Variants in METTL13 observed in about 807,000 individuals in gnomAD.
METTL13 encodes the protein eEF1A lysine and N-terminal methyltransferase.
A neutral mutation model predicts 67.4 loss-of-function variants in METTL13; 52 were observed. The observed-to-expected ratio is 0.77, with a 90% CI of 0.62 to 0.97. The LOEUF (loss-of-function observed/expected upper bound fraction) is 0.97. METTL13 is among the 50% of genes least tolerant of loss of function. METTL13 has a pLI of 0.00. For missense variants in METTL13, 825 were observed against 889.6 expected, an observed-to-expected ratio of 0.93 and a Z score of 0.92; for synonymous variants, 354 against 353.6, an observed-to-expected ratio of 1.00 and a Z score of -0.01.
intron 6 of METTL13, 42 bp downstream of exon 6, chr1:171,792,277 T>A (rs970879392): frequency 1.2e-6 from 2 of 1,607,688 alleles, no homozygotes; most frequent in South Asian, 1.1e-5. Context: ...GAGGGATGAT[T>A]GATGCGACAT....
Position 171,794,409 on chromosome 1 carries a change from C to T in METTL13, c.1707C>T (p.Tyr569=), listed in dbSNP as rs2232825. The T allele has an allele frequency of 0.19, 302,563 of 1,613,952 alleles. 30,214 individuals are homozygous for T. Among genetic ancestry groups the T allele is most frequent in the Non-Finnish European group, 0.21 (245,631 of 1,179,894 alleles). ...LAGGGEARPC[Y]DVIMFDVDSK... is the part of the protein sequence containing the mutation. ...TCTTTTTCCCAGCACGGCCTTGCTA[C>T]GATGTCATAATGTTTGATGTTGACA... The change falls in exon 7 of 8, where the codon TAC becomes TAT. Residue 569 remains tyrosine (Y), a synonymous_variant. Coordinates refer to ENST00000361735, the MANE Select transcript of METTL13 (RefSeq NM_015935.5).
rs1657224475 is a variant in METTL13 at position 171,792,037 on chromosome 1, G to C, written c.1495G>C (p.Val499Leu). 6.2e-7 allele frequency: 1 copy of C among 1,612,594 alleles called. No homozygotes were observed. Among genetic ancestry groups the C allele is most frequent in the Non-Finnish European group, 8.5e-7 (1 of 1,180,030 alleles). ...LLLEIPLALL[V>L]VGLGGGSLPL... ...TACAGAGATCCCACTGGCATTGTTGGTGGTAGGCCTGGGCGGGGGCAGCCT... is the reference window on the plus strand; with the variant it reads ...TACAGAGATCCCACTGGCATTGTTGCTGGTAGGCCTGGGCGGGGGCAGCCT... The change falls in exon 6 of 8, where the codon GTG (valine) becomes CTG (leucine). Residue 499 changes from valine to leucine, a missense_variant. By Grantham distance (32) the Val-to-Leu change is conservative (BLOSUM62 1). Coordinates refer to ENST00000361735, the MANE Select transcript of METTL13 (RefSeq NM_015935.5).
Position 171,781,757 on chromosome 1 carries a change from C to G in METTL13, c.-211C>G. ...CAGCAGGCGCGGAGGAGGGGGCAAG[C>G]GTGTGTGAGATTCAGTGGTCCATGC... On this transcript the variant is annotated 5_prime_UTR_variant, in exon 1 of 8. Coordinates refer to ENST00000361735, the MANE Select transcript of METTL13 (RefSeq NM_015935.5). 2 of 1,377,768 alleles carry G rather than the reference C, an allele frequency of 1.5e-6. No individual in the cohort carries two copies. The highest frequency in any genetic ancestry group is 1.6e-5 in the South Asian group (1 of 62,522). The allele number at this position is 1,377,768 out of a possible 1,614,324, so 85.3% of individuals were successfully genotyped here.
In METTL13 at chr1:171,796,875, C is replaced by G. The variant is rs2029863042; in HGVS notation, c.*119C>G. 6 of 1,327,676 alleles carry G rather than the reference C, an allele frequency of 4.5e-6. No individual in the cohort carries two copies. In the South Asian group the frequency reaches 8.6e-5, roughly 19 times the overall value. The allele number at this position is 1,327,676 out of a possible 1,614,324, so 82.2% of individuals were successfully genotyped here. A position where few individuals can be genotyped will look rare whatever the true frequency, so the allele number is the denominator to read the frequency against. ...TTCGTATTTTTCTTGGTTTCACACT[C>G]AGCTACATGTGACCTCCAGCTTGGT... On this transcript the variant is annotated 3_prime_UTR_variant, in exon 8 of 8. Coordinates refer to ENST00000361735, the MANE Select transcript of METTL13 (RefSeq NM_015935.5).
At chr1:171,782,933 C>G (rs1656874989) in intron 1 of METTL13, among the ~76,000 whole-genome samples, 1 of 152,098 alleles carries the variant, frequency 6.6e-6, no homozygotes, top group South Asian at 2.1e-4. Context: ...TGTGGGGAAG[C>G]TTTATGTGCC....
intron 7 of METTL13, 33 bp downstream of exon 7, chr1:171,794,560 A>G: frequency 6.2e-7 from 1 of 1,610,474 alleles, no homozygotes; most frequent in Non-Finnish European, 8.5e-7. Flanking sequence ...GAGGGAGGAG[A>G]GAAGGGACCA....
In METTL13 at chr1:171,784,264, T is replaced by C. The variant is rs1304003065; in HGVS notation, c.678T>C (p.Cys226=). 1.2e-6 allele frequency: 2 copies of C among 1,613,980 alleles called. No homozygotes were observed. The highest frequency in any genetic ancestry group is 2.2e-5 in the East Asian group (1 of 44,882). Residue 226 remains cysteine, a synonymous_variant, in exon 2 of 8, where the codon TGT becomes TGC. Transcript: ENST00000361735. The stretch of plus-strand genomic sequence containing the variant: ...CTGCCCTTCAGATCTTTGAGCTGTG[T>C]GCTCAGGAGCAGCGCAAGCCTGTGC... ...PGSALQIFEL[C]AQEQRKPVRL... is the part of the protein sequence containing the mutation.
At chr1:171,789,230 A>G (rs3766652) in intron 4 of METTL13, among the ~76,000 whole-genome samples, 3,514 of 152,238 alleles carry the variant, frequency 0.023, 79 homozygotes, top group South Asian at 0.063. Flanking sequence ...GTGATTTAAT[A>G]TATCTGAAAA....
At chr1:171,791,320 A>C (rs181962785) in intron 5 of METTL13, among the ~76,000 whole-genome samples, 1 of 152,108 alleles carries the variant, frequency 6.6e-6, no homozygotes, top group Non-Finnish European at 1.5e-5. Context: ...TGGAACTTGA[A>C]TGGCTTACCC....
intron 3 of METTL13, among the ~76,000 whole-genome samples, chr1:171,786,394 C>T (rs1424760410): frequency 2.0e-5 from 3 of 152,172 alleles, no homozygotes; most frequent in Non-Finnish European, 4.4e-5. Context: ...ATTTCTCCTT[C>T]CACACTGGAC....
chr1:171,787,722 G>A lies in METTL13; in HGVS notation c.1114-13G>A. ...AGCTGCTGTTTTGACCACATCTCTG[G>A]TTGTACCTTCAGGTCCCCTTTCTGT... On this transcript the variant is annotated splice_polypyrimidine_tract_variant and intron_variant, in intron 3 of 7. Coordinates refer to ENST00000361735, the MANE Select transcript of METTL13 (RefSeq NM_015935.5). 18 of 1,607,742 alleles carry A rather than the reference G, an allele frequency of 1.1e-5. No individual in the cohort carries two copies. The highest frequency in any genetic ancestry group is 1.3e-5 in the Non-Finnish European group (15 of 1,174,892).
At chr1:171,786,863 G>A (rs1237909683) in intron 3 of METTL13, among the ~76,000 whole-genome samples, 1 of 151,938 alleles carries the variant, frequency 6.6e-6, no homozygotes, top group Non-Finnish European at 1.5e-5. Context: ...TGTAGAGACA[G>A]GGTCTCCCTA....
At chr1:171,793,526 C>G (rs1571171478) in intron 6 of METTL13, among the ~76,000 whole-genome samples, 1 of 152,136 alleles carries the variant, frequency 6.6e-6, no homozygotes. Context: ...TGTAAGAAAC[C>G]AAAATCAGAT....
At position 171,782,093 on chromosome 1, in the gene METTL13, A is replaced by G. The variant is rs780784964; in HGVS notation, c.126A>G (p.Leu42=). Residue 42 remains leucine, a synonymous_variant, in exon 1 of 8, where the codon CTA becomes CTG. Transcript: ENST00000361735. ...YGTYLELCGV[L]HKYIKPREKV... Reference sequence around the variant, plus strand: ...CCTACCTGGAACTGTGCGGGGTGCTACATAAATATATCAAGCCCAGGGAAA... The same window carrying G: ...CCTACCTGGAACTGTGCGGGGTGCTGCATAAATATATCAAGCCCAGGGAAA... 2.5e-6 allele frequency: 4 copies of G among 1,613,946 alleles called. No homozygotes were observed. The African/African-American group carries it at 4.0e-5, about 16-fold the overall frequency.
At chr1:171,786,566 T>C (rs1657022146) in intron 3 of METTL13, among the ~76,000 whole-genome samples, 1 of 152,232 alleles carries the variant, frequency 6.6e-6, no homozygotes, top group Non-Finnish European at 1.5e-5. Flanking sequence ...TATGGTATTA[T>C]CAGTTAACAC....
In METTL13 at chr1:171,781,750, G is replaced by T. The variant is rs1186752167; in HGVS notation, c.-218G>T. On this transcript the variant is annotated 5_prime_UTR_variant, in exon 1 of 8. Transcript: ENST00000361735. ...GAAGGAACAGCAGGCGCGGAGGAGGGGGCAAGCGTGTGTGAGATTCAGTGG... is the reference window on the plus strand; with the variant it reads ...GAAGGAACAGCAGGCGCGGAGGAGGTGGCAAGCGTGTGTGAGATTCAGTGG... The T allele has an allele frequency of 2.9e-6, 4 of 1,367,264 alleles. No individual in the cohort carries two copies. Among genetic ancestry groups the T allele is most frequent in the Non-Finnish European group, 2.8e-6 (3 of 1,056,886 alleles). The allele number at this position is 1,367,264 out of a possible 1,614,324, so 84.7% of individuals were successfully genotyped here.
chr1:171,784,282 G>A lies in METTL13; in HGVS notation c.696G>A (p.Lys232=). 6.2e-7 allele frequency: 1 copy of A among 1,613,208 alleles called. No individual in the cohort carries two copies. The highest frequency in any genetic ancestry group is 8.5e-7 in the Non-Finnish European group (1 of 1,179,468). ...AGCTGTGTGCTCAGGAGCAGCGCAAGCCTGTGCGGCTGGAGAGTGCCGAGC... is the reference window on the plus strand; with the variant it reads ...AGCTGTGTGCTCAGGAGCAGCGCAAACCTGTGCGGCTGGAGAGTGCCGAGC... ...IFELCAQEQR[K]PVRLESAERL... Residue 232 remains lysine, a synonymous_variant, in exon 2 of 8, where the codon AAG becomes AAA. Coordinates refer to ENST00000361735, the MANE Select transcript of METTL13 (RefSeq NM_015935.5).
In METTL13 at chr1:171,796,622, C is replaced by T. The variant is rs1372227478; in HGVS notation, c.1966C>T (p.Pro656Ser). The T allele has an allele frequency of 1.2e-6, 2 of 1,614,162 alleles. No individual in the cohort carries two copies. Among genetic ancestry groups the T allele is most frequent in the Non-Finnish European group, 1.7e-6 (2 of 1,180,032 alleles). Residue 656 changes from proline to serine, a missense_variant, in exon 8 of 8, where the codon CCT (proline) becomes TCT (serine). By Grantham distance (74) the Pro-to-Ser change is moderately conservative. Transcript: ENST00000361735. ...TGAGATCCTGTTCTGTCAGCTGCAC[C>T]CTGAGCAAAAACTTGCCACACCAGA... is the stretch of plus-strand genomic sequence containing the variant. ...VNEILFCQLH[P>S]EQKLATPELL...
rs1657381777 is a variant in METTL13, at chr1:171,796,528, C to G, written c.1872C>G (p.Asp624Glu). 1 of 1,614,068 alleles carries G rather than the reference C, an allele frequency of 6.2e-7. No individual in the cohort carries two copies. Among genetic ancestry groups the G allele is most frequent in the Non-Finnish European group, 8.5e-7 (1 of 1,180,040 alleles). ...NLVCRDLGLK[D>E]SVLAGLKAVF... ...TGTGCCGAGACTTGGGGCTAAAAGA[C>G]TCAGTGCTGGCTGGGCTCAAGGCAG... The change falls in exon 8 of 8, where the codon GAC becomes GAG. Residue 624 changes from aspartate (D) to glutamate (E), a missense_variant. Physicochemically the swap from Asp to Glu is conservative, Grantham distance 45. Transcript: ENST00000361735.
Sources: gnomAD v4.1 joint callset for allele counts (sites outside exome capture counted in the v4.1 genomes callset) on GRCh38, gnomAD v4.1.1 for gene constraint, MANE v1.5 for transcripts, NCBI Gene and HGNC (gene_info 2026-07-23, HGNC 2026-07-21) for gene names.